HSD17B12: variants seen among roughly 807,000 people sequenced by gnomAD.
HSD17B12 encodes hydroxysteroid 17-beta dehydrogenase 12.
Under a neutral mutation model 39.3 loss-of-function variants are expected in HSD17B12, and 32 were observed. The ratio of observed to expected loss-of-function variants is 0.81; its 90% confidence interval spans 0.61 to 1.09. The LOEUF (loss-of-function observed/expected upper bound fraction) is 1.09, where lower values mean the gene tolerates loss of function less well. HSD17B12 is among the 50% of genes least tolerant of loss of function. HSD17B12 has a pLI of 0.00. For synonymous variants in HSD17B12, 150 were observed against 146.7 expected (o/e 1.02, Z -0.16); for missense variants, 342 against 382.9 (o/e 0.89, Z 0.89).
At chr11:43,582,072 G>C in the HSD17B12 span, among the ~76,000 whole-genome samples, 1 of 152,186 alleles carries the variant, frequency 6.6e-6, no homozygotes, top group Admixed American at 6.5e-5. Context: ...GGCACCGCCC[G>C]ATCCCCGGAG....
intron 3 of HSD17B12, among the ~76,000 whole-genome samples, chr11:43,794,034 T>G (rs1285399676): frequency 6.6e-6 from 1 of 152,214 alleles, no homozygotes; most frequent in African/African-American, 2.4e-5. Flanking sequence ...GTTGACTGCC[T>G]CGAGCAGTTC....
At chr11:43,561,981 T>A in the HSD17B12 span, among the ~76,000 whole-genome samples, 5 of 152,226 alleles carry the variant, frequency 3.3e-5, no homozygotes, top group Non-Finnish European at 4.4e-5. Flanking sequence ...GAATTTGGCA[T>A]CAAACCACAT....
At chr11:43,569,521 T>TA in the HSD17B12 span, 1 of 152,332 alleles carries the variant, frequency 6.6e-6, no homozygotes, top group African/African-American at 2.4e-5. Flanking sequence ...TCTTGATGAA[T>TA]AGTCTGTTCA....
rs145195428 is a variant in HSD17B12, at chr11:43,815,852, A to G, written c.456+351A>G. Among the ~76,000 whole-genome samples, 57 of 152,332 alleles carry G rather than the reference A, an allele frequency of 3.7e-4. No individual in the cohort carries two copies. In the East Asian group the frequency reaches 8.3e-3, roughly 22 times the overall value. ...GTTTTATGATTCTAAACATCAACTT[A>G]AAAATTGTAAGTATGTTAATATACA... On this transcript the variant is annotated intron_variant, in intron 5 of 10. Transcript: ENST00000278353.
the HSD17B12 span, among the ~76,000 whole-genome samples, chr11:43,614,822 A>G: frequency 3.3e-5 from 5 of 151,800 alleles, no homozygotes; most frequent in Non-Finnish European, 7.4e-5. Flanking sequence ...CCTGTTTATA[A>G]TTTCTTCTTC....
the HSD17B12 span, among the ~76,000 whole-genome samples, chr11:43,628,137 T>TA: frequency 6.6e-6 from 1 of 152,026 alleles, no homozygotes; most frequent in East Asian, 1.9e-4. Flanking sequence ...TTACCCCCAA[T>TA]AAAAATGATT....
At chr11:43,583,555 G>T in the HSD17B12 span, among the ~76,000 whole-genome samples, 1 of 152,154 alleles carries the variant, frequency 6.6e-6, no homozygotes, top group African/African-American at 2.4e-5. Flanking sequence ...GTGAAAATAG[G>T]TGGCTTTTTG....
intron 9 of HSD17B12, among the ~76,000 whole-genome samples, chr11:43,848,695 T>C (rs1006296010): frequency 6.6e-6 from 1 of 152,234 alleles, no homozygotes; most frequent in African/African-American, 2.4e-5. Flanking sequence ...AGTGTTTTGC[T>C]CAAGATCACA....
rs1436465238 is a variant in HSD17B12 at position 43,680,745 on chromosome 11, T to A, written c.-83T>A. The A allele has an allele frequency of 1.4e-5, 18 of 1,281,978 alleles. No individual in the cohort carries two copies. In the South Asian group the frequency reaches 2.0e-4, roughly 15 times the overall value. The allele number at this position is 1,281,978 out of a possible 1,614,324, so 79.4% of individuals were successfully genotyped here. On this transcript the variant is annotated 5_prime_UTR_variant, in exon 1 of 11. Transcript: ENST00000278353. Reference sequence around the variant, plus strand: ...GGAGCAGCGCCTATTAGTGTCATCCTCACCGTCACGGCCGGCGCCTCCTCC... The same window carrying A: ...GGAGCAGCGCCTATTAGTGTCATCCACACCGTCACGGCCGGCGCCTCCTCC...
chr11:43,749,374 A>G (rs1379524892), intron 1 of HSD17B12, among the ~76,000 whole-genome samples: 1 of 152,196 alleles, frequency 6.6e-6, no homozygotes, highest in Non-Finnish European at 1.5e-5. Context: ...TATAGTGATT[A>G]CATATTGGAT....
the HSD17B12 span, among the ~76,000 whole-genome samples, chr11:43,567,925 T>C: frequency 1.3e-5 from 2 of 152,096 alleles, no homozygotes; most frequent in African/African-American, 2.4e-5. Context: ...TCATAATTCT[T>C]ATGATTCTCC....
At chr11:43,834,667 T>A (rs527830924) in intron 7 of HSD17B12, among the ~76,000 whole-genome samples, 2 of 152,288 alleles carry the variant, frequency 1.3e-5, no homozygotes, top group Non-Finnish European at 2.9e-5. Context: ...AATTTTTTTT[T>A]AATCCAGGTG....
At chr11:43,638,997 C>T in the HSD17B12 span, among the ~76,000 whole-genome samples, 57,946 of 151,982 alleles carry the variant, frequency 0.38, 12,473 homozygotes, top group East Asian at 0.75. Context: ...TGTGAAAGTC[C>T]ACATCTCTAG....
chr11:43,681,287 C>T, intron 1 of HSD17B12: 1 of 452,406 alleles, frequency 2.2e-6, no homozygotes. Context: ...TAAGCCATTC[C>T]GTGTTCATGG....
chr11:43,591,001 G>A, the HSD17B12 span, among the ~76,000 whole-genome samples: 2,506 of 151,956 alleles, frequency 0.016, 70 homozygotes, highest in African/African-American at 0.058. Context: ...GAGTGAATTA[G>A]ATATAGCCCT....
the HSD17B12 span, among the ~76,000 whole-genome samples, chr11:43,610,340 T>G: frequency 1.2e-4 from 19 of 152,172 alleles, no homozygotes; most frequent in Non-Finnish European, 2.1e-4. Flanking sequence ...GATCACTGTT[T>G]AATAAGGCAG....
chr11:43,841,382 GTTT>G (rs1160765907), intron 9 of HSD17B12, among the ~76,000 whole-genome samples: 3 of 152,174 alleles, frequency 2.0e-5, no homozygotes, highest in Admixed American at 1.3e-4. Flanking sequence ...ATTCACAAAA[GTTT>G]TTAATTTTGA....
chr11:43,770,447 G>C (rs570908972), intron 3 of HSD17B12, among the ~76,000 whole-genome samples: 20 of 152,298 alleles, frequency 1.3e-4, no homozygotes, highest in African/African-American at 4.8e-4. Flanking sequence ...TTAACTCTCT[G>C]CCGGGCACAG....
At chr11:43,573,607 T>C in the HSD17B12 span, among the ~76,000 whole-genome samples, 3 of 152,168 alleles carry the variant, frequency 2.0e-5, no homozygotes, top group Admixed American at 2.0e-4. Flanking sequence ...TGCTTAAAAG[T>C]TGTTAAGTGA....
Sources: allele counts gnomAD v4.1 joint callset (sites outside exome capture counted in the v4.1 genomes callset), GRCh38; gene constraint gnomAD v4.1.1; transcripts MANE v1.5; gene names NCBI Gene and HGNC (gene_info 2026-07-23, HGNC 2026-07-21).